The following FCHSD2 variants were observed in gnomAD, a reference collection of about 807,000 sequenced individuals.
FCHSD2 encodes F-BAR and double SH3 domains protein 2.
FCHSD2 carries 38 observed loss-of-function variants against 108.1 expected under a neutral mutation model. The ratio of observed to expected loss-of-function variants is 0.35; its 90% CI spans 0.27 to 0.46. The LOEUF (loss-of-function observed/expected upper bound fraction) is 0.46. Among genes scored for constraint, FCHSD2 ranks in the 20% least tolerant of loss-of-function variants. FCHSD2 has a pLI of 1.00. For missense variants in FCHSD2, 751 were observed against 897.8 expected, an observed-to-expected ratio of 0.84 and a Z score of 2.09; for synonymous variants, 279 against 314.7, an observed-to-expected ratio of 0.89 and a Z score of 1.20.
Position 73,140,057 on chromosome 11 carries a change from T to C in FCHSD2, c.93A>G (p.Ala31=), listed in dbSNP as rs1194635819. ...QMTKLQAKHQ[A]ECDLLEDMRT... is the part of the protein sequence containing the mutation. ...TCATATCTTCAAGCAAATCACATTC[T>C]GCTTGATGTTTGGCTTGAAGTTTTG... Residue 31 remains alanine, a synonymous_variant, in exon 2 of 20, where the codon GCA becomes GCG. Transcript: ENST00000409418. The C allele has an allele frequency of 1.9e-6, 3 of 1,545,002 alleles. No individual in the cohort carries two copies. In the East Asian group the frequency reaches 7.3e-5, roughly 37 times the overall value.
chr11:73,004,606 T>A (rs1367855884), intron 4 of FCHSD2, among the ~76,000 whole-genome samples: 2 of 152,210 alleles, frequency 1.3e-5, no homozygotes, highest in Middle Eastern at 3.2e-3. Flanking sequence ...CCCTTATGTA[T>A]GCCCTTTTTA....
chr11:72,931,133 T>A (rs1856182845), intron 8 of FCHSD2, among the ~76,000 whole-genome samples: 1 of 148,008 alleles, frequency 6.8e-6, no homozygotes, highest in East Asian at 2.0e-4. Flanking sequence ...TCGCGCTGTG[T>A]CACCTAGGCT....
chr11:72,884,524 CATAGTTTATATATAAGATCATATAT>C (rs1855156981), intron 12 of FCHSD2, among the ~76,000 whole-genome samples: 1 of 146,964 alleles, frequency 6.8e-6, no homozygotes, highest in Admixed American at 6.8e-5. Flanking sequence ...TATAATCATA[CATAGTTTATATATAAGATCATATAT>C]ATAGTTTATA....
chr11:73,068,552 ACTAAAATTAGATTC>A (rs1386940251), intron 3 of FCHSD2, among the ~76,000 whole-genome samples: 1 of 152,200 alleles, frequency 6.6e-6, no homozygotes, highest in Non-Finnish European at 1.5e-5. Flanking sequence ...CACAAGGTGA[ACTAAAATTAGATTC>A]CTTTATATAT....
intron 5 of FCHSD2, among the ~76,000 whole-genome samples, chr11:72,994,777 C>CA (rs904006759): frequency 4.0e-5 from 6 of 151,156 alleles, no homozygotes; most frequent in African/African-American, 1.5e-4. Context: ...AAAAACAAAA[C>CA]AAAAAAAAGA....
intron 5 of FCHSD2, among the ~76,000 whole-genome samples, chr11:73,000,713 T>G (rs181432454): frequency 2.5e-4 from 38 of 152,360 alleles, no homozygotes; most frequent in African/African-American, 7.7e-4. Flanking sequence ...TGAAACTAAG[T>G]AGATCTATGT....
rs1246894021 is a variant in FCHSD2, at chr11:72,866,974, C to T, written c.1308+891G>A. 5.9e-5 allele frequency among the ~76,000 whole-genome samples: 9 copies of T among 152,186 alleles called. No homozygotes were observed. The South Asian group carries it at 1.4e-3, about 24-fold the overall frequency. ...CACCCATCCAACCATTCACTCCTTC[C>T]TTCAAAAATATTTAAGTACCAACTA... On this transcript the variant is annotated intron_variant, in intron 13 of 19. Transcript: ENST00000409418.
intron 6 of FCHSD2, among the ~76,000 whole-genome samples, chr11:72,985,848 C>A (rs750419770): frequency 6.6e-6 from 1 of 152,110 alleles, no homozygotes; most frequent in Non-Finnish European, 1.5e-5. Flanking sequence ...AGAAAGTCAA[C>A]AGACAAATGC....
At chr11:73,037,149 T>C (rs1358446933) in intron 3 of FCHSD2, among the ~76,000 whole-genome samples, 1 of 152,182 alleles carries the variant, frequency 6.6e-6, no homozygotes, top group Non-Finnish European at 1.5e-5. Flanking sequence ...CAGTTTTAGG[T>C]TCATGGCAAA....
chr11:73,042,838 G>T (rs574315182), intron 3 of FCHSD2, among the ~76,000 whole-genome samples: 1 of 151,928 alleles, frequency 6.6e-6, no homozygotes, highest in South Asian at 2.1e-4. Flanking sequence ...AGGCTTTCTT[G>T]ATTTCTTTTT....
chr11:72,997,600 G>T (rs1438357837), intron 5 of FCHSD2, among the ~76,000 whole-genome samples: 1 of 152,148 alleles, frequency 6.6e-6, no homozygotes, highest in Non-Finnish European at 1.5e-5. Context: ...GAGGATAAAG[G>T]AAAAACATGG....
At chr11:72,961,435 T>G (rs932251698) in intron 8 of FCHSD2, among the ~76,000 whole-genome samples, 1 of 151,454 alleles carries the variant, frequency 6.6e-6, no homozygotes, top group Non-Finnish European at 1.5e-5. Context: ...TGTTGTTGTT[T>G]TTAATAGATG....
intron 2 of FCHSD2, among the ~76,000 whole-genome samples, chr11:73,103,566 C>T (rs1438247217): frequency 2.0e-5 from 3 of 152,150 alleles, no homozygotes; most frequent in Non-Finnish European, 4.4e-5. Flanking sequence ...ACAATTGTGT[C>T]TGTCTTTCTC....
chr11:73,140,066 T>C lies in FCHSD2; in HGVS notation c.84A>G (p.Lys28=). ...QVEQMTKLQA[K]HQAECDLLED... ...CAAGCAAATCACATTCTGCTTGATG[T>C]TTGGCTTGAAGTTTTGTCATCTGCT... Residue 28 remains lysine (K), a synonymous_variant, in exon 2 of 20, where the codon AAA becomes AAG. Transcript: ENST00000409418. 1 of 1,548,568 alleles carries C rather than the reference T, an allele frequency of 6.5e-7. No homozygotes were observed.
At chr11:73,104,339 TCA>T (rs1860291107) in intron 2 of FCHSD2, among the ~76,000 whole-genome samples, 1 of 152,214 alleles carries the variant, frequency 6.6e-6, no homozygotes, top group African/African-American at 2.4e-5. Flanking sequence ...CGATCTCAGC[TCA>T]CTGCAACCTC....
In FCHSD2 at chr11:73,141,842, C is replaced by G; in HGVS notation, c.21+15G>C. The G allele has an allele frequency of 6.5e-7, 1 of 1,543,952 alleles. No homozygotes were observed. Among genetic ancestry groups the G allele is most frequent in the Non-Finnish European group, 8.7e-7 (1 of 1,145,782 alleles). Reference sequence around the variant, plus strand: ...CATCTCTCCGAACCCCAAAGCCCCCCAGCTGCGCCCTTACCTTCCTCGGCG... The same window carrying G: ...CATCTCTCCGAACCCCAAAGCCCCCGAGCTGCGCCCTTACCTTCCTCGGCG... On this transcript the variant is annotated intron_variant, in intron 1 of 19. Transcript: ENST00000409418.
At chr11:72,935,863 T>C (rs1054136359) in intron 8 of FCHSD2, among the ~76,000 whole-genome samples, 21 of 152,152 alleles carry the variant, frequency 1.4e-4, no homozygotes, top group Non-Finnish European at 1.5e-5. Context: ...AAGGAAAATT[T>C]CAATGCTGTT....
At chr11:72,968,180 T>C (rs1249611735) in intron 8 of FCHSD2, among the ~76,000 whole-genome samples, 2 of 152,068 alleles carry the variant, frequency 1.3e-5, no homozygotes, top group African/African-American at 2.4e-5. Context: ...CTAAGGGCGA[T>C]AAGAAGCCAC....
intron 2 of FCHSD2, among the ~76,000 whole-genome samples, chr11:73,093,067 T>G (rs1859994006): frequency 6.6e-6 from 1 of 152,112 alleles, no homozygotes. Flanking sequence ...TGAGTAGTAA[T>G]CATGTCTAAG....
Sources: allele counts gnomAD v4.1 joint callset (sites outside exome capture counted in the v4.1 genomes callset), GRCh38; gene constraint gnomAD v4.1.1; transcripts MANE v1.5; gene names NCBI Gene and HGNC (gene_info 2026-07-23, HGNC 2026-07-21).